The following SLC35F3 variants were observed in gnomAD, a reference collection of about 807,000 sequenced individuals.
The protein encoded by SLC35F3 is solute carrier family 35 member F3.
In SLC35F3, 25 loss-of-function variants were observed where a neutral mutation model predicts 49.9. The observed-to-expected ratio is 0.50, with a 90% CI of 0.37 to 0.70. The LOEUF (loss-of-function observed/expected upper bound fraction) is 0.70, where lower values mean the gene tolerates loss of function less well. SLC35F3 is among the 30% of genes least tolerant of loss of function. The pLI is 0.00. For missense variants in SLC35F3, 525 were observed against 639.8 expected (o/e 0.82, Z 1.94); for synonymous variants, 275 against 265.4 (o/e 1.04, Z -0.35).
At chr1:233,941,084 A>G (rs1162311151) in intron 2 of SLC35F3, among the ~76,000 whole-genome samples, 1 of 152,132 alleles carries the variant, frequency 6.6e-6, no homozygotes, top group African/African-American at 2.4e-5. Context: ...GGCAGTTGGA[A>G]CAGTAACGGA....
At chr1:234,180,000 T>C (rs1376055494) in intron 2 of SLC35F3, among the ~76,000 whole-genome samples, 1 of 152,218 alleles carries the variant, frequency 6.6e-6, no homozygotes, top group Admixed American at 6.5e-5. Flanking sequence ...AGTTCAGCAG[T>C]ATCACTCCTA....
intron 2 of SLC35F3, among the ~76,000 whole-genome samples, chr1:234,230,024 T>A (rs533859934): frequency 1.3e-5 from 2 of 152,314 alleles, no homozygotes; most frequent in Middle Eastern, 3.4e-3. Context: ...ACATTTGGTT[T>A]TCCAGGGGCT....
intron 2 of SLC35F3, among the ~76,000 whole-genome samples, chr1:233,924,385 G>T (rs961644118): frequency 2.6e-5 from 4 of 152,188 alleles, no homozygotes; most frequent in Non-Finnish European, 5.9e-5. Context: ...CGGTGTATGT[G>T]TCCAGGAATT....
chr1:234,206,815 C>T (rs1320539090), intron 2 of SLC35F3, among the ~76,000 whole-genome samples: 1 of 152,136 alleles, frequency 6.6e-6, no homozygotes, highest in Non-Finnish European at 1.5e-5. Context: ...CTGGGTCTGC[C>T]CAACGTTGAG....
At chr1:234,303,595 G>A (rs991355089) in intron 3 of SLC35F3, among the ~76,000 whole-genome samples, 2 of 152,166 alleles carry the variant, frequency 1.3e-5, no homozygotes, top group African/African-American at 4.8e-5. Flanking sequence ...CTCCACCTTT[G>A]ATTGATAATT....
intron 3 of SLC35F3, among the ~76,000 whole-genome samples, chr1:234,257,781 G>A (rs1321717): frequency 0.018 from 2,714 of 152,266 alleles, 87 homozygotes; most frequent in African/African-American, 0.063. Flanking sequence ...TACAGTGGAT[G>A]GCCGTATTGA....
intron 2 of SLC35F3, among the ~76,000 whole-genome samples, chr1:234,115,448 A>G (rs181537426): frequency 7.7e-4 from 117 of 152,244 alleles, no homozygotes; most frequent in African/African-American, 2.5e-3. Context: ...CCCCAGGAAC[A>G]TTCCACTGCC....
At chr1:234,062,351 A>G (rs1664554155) in intron 2 of SLC35F3, among the ~76,000 whole-genome samples, 1 of 152,212 alleles carries the variant, frequency 6.6e-6, no homozygotes, top group South Asian at 2.1e-4. Flanking sequence ...ACACCTAGTT[A>G]TTAAACTCCA....
At chr1:234,160,292 C>T (rs1366216440) in intron 2 of SLC35F3, among the ~76,000 whole-genome samples, 1 of 152,162 alleles carries the variant, frequency 6.6e-6, no homozygotes, top group African/African-American at 2.4e-5. Flanking sequence ...CAGCATCAAC[C>T]CAGGAGCCAT....
intron 2 of SLC35F3, among the ~76,000 whole-genome samples, chr1:234,023,178 G>A (rs1663924477): frequency 6.6e-6 from 1 of 152,180 alleles, no homozygotes; most frequent in Non-Finnish European, 1.5e-5. Context: ...AAGACCCAGG[G>A]CACACCCATT....
intron 3 of SLC35F3, among the ~76,000 whole-genome samples, chr1:234,304,859 A>G (rs1240774663): frequency 6.6e-6 from 1 of 152,236 alleles, no homozygotes; most frequent in Non-Finnish European, 1.5e-5. Flanking sequence ...ATAATCTCCC[A>G]TAAAATAAGA....
At chr1:234,110,746 T>C (rs1013099019) in intron 2 of SLC35F3, among the ~76,000 whole-genome samples, 1 of 152,236 alleles carries the variant, frequency 6.6e-6, no homozygotes, top group African/African-American at 2.4e-5. Flanking sequence ...GAAGGGTTTT[T>C]AGCCAGATAG....
intron 2 of SLC35F3, among the ~76,000 whole-genome samples, chr1:234,228,436 C>A (rs1247363073): frequency 6.6e-6 from 1 of 152,204 alleles, no homozygotes; most frequent in Non-Finnish European, 1.5e-5. Flanking sequence ...TTTCGTCACT[C>A]TGACATAGAC....
At chr1:234,268,132 G>A (rs1440590919) in intron 3 of SLC35F3, among the ~76,000 whole-genome samples, 1 of 152,028 alleles carries the variant, frequency 6.6e-6, no homozygotes, top group Non-Finnish European at 1.5e-5. Context: ...GTAGCGAGCC[G>A]AGATCACGCC....
At chr1:233,937,293 A>C (rs1395610712) in intron 2 of SLC35F3, among the ~76,000 whole-genome samples, 4 of 152,264 alleles carry the variant, frequency 2.6e-5, no homozygotes, top group Non-Finnish European at 5.9e-5. Context: ...TCTTTGATAA[A>C]GATCAGGATA....
At chr1:234,275,596 CAGACAG>C (rs1027931304) in intron 3 of SLC35F3, among the ~76,000 whole-genome samples, 6 of 151,622 alleles carry the variant, frequency 4.0e-5, no homozygotes, top group African/African-American at 1.5e-4. Context: ...GATAGACAGA[CAGACAG>C]ACACACACAC....
At chr1:234,098,781 C>T (rs1283107880) in intron 2 of SLC35F3, among the ~76,000 whole-genome samples, 3 of 134,496 alleles carry the variant, frequency 2.2e-5, no homozygotes, top group Non-Finnish European at 3.2e-5. Flanking sequence ...GTGGTGGTGG[C>T]AGTTCAGATG....
At chr1:234,085,322 T>A (rs1472101508) in intron 2 of SLC35F3, among the ~76,000 whole-genome samples, 1 of 152,214 alleles carries the variant, frequency 6.6e-6, no homozygotes, top group Non-Finnish European at 1.5e-5. Context: ...TATGGATATT[T>A]CCCCACCTAT....
intron 2 of SLC35F3, among the ~76,000 whole-genome samples, chr1:233,943,272 C>G (rs919911610): frequency 6.6e-6 from 1 of 152,182 alleles, no homozygotes; most frequent in Non-Finnish European, 1.5e-5. Flanking sequence ...CATCAATTAT[C>G]AGTAATCCAA....
Sources: gnomAD v4.1 joint callset for allele counts (sites outside exome capture counted in the v4.1 genomes callset) on GRCh38, gnomAD v4.1.1 for gene constraint, MANE v1.5 for transcripts, NCBI Gene and HGNC (gene_info 2026-07-23, HGNC 2026-07-21) for gene names.